Variants in MUC17 observed in about 807,000 individuals in gnomAD.
MUC17 encodes mucin 17, cell surface associated, also known as mucin-17.
A neutral mutation model predicts 170.3 loss-of-function variants in MUC17; 190 were observed. That is an observed-to-expected ratio of 1.12 (90% CI 0.99 to 1.26). The LOEUF is 1.26. Ranked by LOEUF, MUC17 falls within the 50% of genes most tolerant of loss-of-function variation. The probability of loss-of-function intolerance (pLI) is 0.00; values close to 1 mark genes in which losing one functional copy is unlikely to be tolerated. For synonymous variants in MUC17, 2,325 were observed against 2,002.5 expected (o/e 1.16, Z -4.30); for missense variants, 6,415 against 5,530.0 (o/e 1.16, Z -5.08).
rs1562803571 is a variant in MUC17 at position 101,032,187 on chromosome 7, T to C, written c.771T>C (p.Pro257=). The change falls in exon 3 of 13, where the codon CCT becomes CCC. Residue 257 remains proline (P), a synonymous_variant. Transcript: ENST00000306151. ...TTTCTGCTCAAGCCAGTTCATCTCC[T>C]ACAACTGCTGAAGGTCCCAGCCTGT... is the stretch of plus-strand genomic sequence containing the variant. ...VTISAQASSS[P]TTAEGPSLSN... 1.9e-6 allele frequency: 3 copies of C among 1,614,196 alleles called. No homozygotes were observed. Among genetic ancestry groups the C allele is most frequent in the Non-Finnish European group, 2.5e-6 (3 of 1,180,028 alleles).
chr7:101,029,215 A>C (rs1794234039), intron 1 of MUC17, among the ~76,000 whole-genome samples: 1 of 150,448 alleles, frequency 6.6e-6, no homozygotes, highest in Admixed American at 6.6e-5. Flanking sequence ...AAATAGCTGG[A>C]CACGGTGGCA....
chr7:101,040,739 C>T lies in MUC17; in HGVS notation c.9323C>T (p.Thr3108Ile), dbSNP rs878956048. The change falls in exon 3 of 13, where the codon ACA becomes ATA. Residue 3108 changes from threonine to isoleucine, a missense_variant. By Grantham distance (89) the Thr-to-Ile change is moderately conservative. Coordinates refer to ENST00000306151, the MANE Select transcript of MUC17 (RefSeq NM_001040105.2). ...TATAGTGAAGGAAGCACTCCATTAA[C>T]AGGTGTGCCTGTCAGCACCACACCG... ...STYSEGSTPL[T>I]GVPVSTTPVT... The T allele has an allele frequency of 6.2e-7, 1 of 1,613,292 alleles. No homozygotes were observed. Among genetic ancestry groups the T allele is most frequent in the South Asian group, 1.1e-5 (1 of 91,048 alleles).
At position 101,058,389 on chromosome 7, in the gene MUC17, G is replaced by A. The variant is rs775846381; in HGVS notation, c.*345G>A. On this transcript the variant is annotated 3_prime_UTR_variant, in exon 13 of 13. Coordinates refer to ENST00000306151, the MANE Select transcript of MUC17 (RefSeq NM_001040105.2). Reference sequence around the variant, plus strand: ...TCTGGCTGAGCAGGCGGGTGTCCCCGTCCTCCCTCACTGCCCCATATGTGT... The same window carrying A: ...TCTGGCTGAGCAGGCGGGTGTCCCCATCCTCCCTCACTGCCCCATATGTGT... 6.7e-5 allele frequency: 13 copies of A among 193,334 alleles called. No individual in the cohort carries two copies. The highest frequency in any genetic ancestry group is 1.2e-4 in the Non-Finnish European group (11 of 94,000). The allele number at this position is 193,334 out of a possible 1,614,324, so 12.0% of individuals were successfully genotyped here.
rs1794488197 is a variant in MUC17, at chr7:101,036,615, T to A, written c.5199T>A (p.Thr1733=). Residue 1733 remains threonine (T), a synonymous_variant, in exon 3 of 13, where the codon ACT becomes ACA. Transcript: ENST00000306151. ...CTGAAGCCCGTTCATCTCCTACAAC[T>A]TCTGAAGGTACCAGCATGCCAAACT... ...TSTEARSSPT[T]SEGTSMPNST... 2 of 1,611,176 alleles carry A rather than the reference T, an allele frequency of 1.2e-6. No homozygotes were observed. The highest frequency in any genetic ancestry group is 2.7e-5 in the African/African-American group (2 of 74,144).
chr7:101,020,262 G>T, intron 1 of MUC17, 45 bp downstream of exon 1: 1 of 1,535,684 alleles, frequency 6.5e-7, no homozygotes, highest in East Asian at 2.3e-5. Context: ...CCCCATCCCA[G>T]GGGCCAGCCT....
At position 101,034,697 on chromosome 7, in the gene MUC17, C is replaced by T. The variant is rs773072041; in HGVS notation, c.3281C>T (p.Ser1094Leu). 23 of 1,606,900 alleles carry T rather than the reference C, an allele frequency of 1.4e-5. 1 individual carries two copies. The Admixed American group carries it at 3.5e-4, about 25-fold the overall frequency. The change falls in exon 3 of 13, where the codon TCA becomes TTA. Residue 1094 changes from serine (S) to leucine (L), a missense_variant. Coordinates refer to ENST00000306151, the MANE Select transcript of MUC17 (RefSeq NM_001040105.2). ...GCTGACGGTACCAGCATGCCAACCTCAACTTATAGTGAAGGAAGCACTCCA... is the reference window on the plus strand; with the variant it reads ...GCTGACGGTACCAGCATGCCAACCTTAACTTATAGTGAAGGAAGCACTCCA... ...TTADGTSMPT[S>L]TYSEGSTPLT...
intron 11 of MUC17, 164 bp downstream of exon 11, chr7:101,053,600 A>G: frequency 3.8e-6 from 2 of 529,146 alleles, no homozygotes; most frequent in Admixed American, 3.3e-5. Flanking sequence ...GCAAAACTCT[A>G]TCTCTTAAAA....
chr7:101,053,100 G>T lies in MUC17; in HGVS notation c.13218G>T (p.Leu4406=), dbSNP rs757461644. 11 of 1,614,078 alleles carry T rather than the reference G, an allele frequency of 6.8e-6. No homozygotes were observed. The highest frequency in any genetic ancestry group is 7.6e-6 in the Non-Finnish European group (9 of 1,180,012). ...GGGTCGTGCTGATGCTGATCATCCT[G>T]GTAGCTCTCCTGATGCTCGTTTTCC... The part of the protein sequence containing the change: ...GAGVVLMLII[L]VALLMLVFRS... Residue 4406 remains leucine, a synonymous_variant, in exon 10 of 13, where the codon CTG becomes CTT. Transcript: ENST00000306151.
At position 101,033,330 on chromosome 7, in the gene MUC17, C is replaced by T. The variant is rs1476477973; in HGVS notation, c.1914C>T (p.Thr638=). ...GTTITSMSVS[T]TLVASSEAST... is the part of the protein sequence containing the mutation. ...CAATAACAAGTATGTCTGTCAGCAC[C>T]ACACTGGTGGCCAGTTCTGAGGCTA... The change falls in exon 3 of 13, where the codon ACC becomes ACT. Residue 638 remains threonine (T), a synonymous_variant. Coordinates refer to ENST00000306151, the MANE Select transcript of MUC17 (RefSeq NM_001040105.2). 6 of 1,613,792 alleles carry T rather than the reference C, an allele frequency of 3.7e-6. No homozygotes were observed. The highest frequency in any genetic ancestry group is 5.1e-6 in the Non-Finnish European group (6 of 1,179,736).
In MUC17 at chr7:101,050,537, C is replaced by T. The variant is rs1045367917; in HGVS notation, c.12776C>T (p.Pro4259Leu). 1.9e-6 allele frequency: 3 copies of T among 1,613,960 alleles called. No homozygotes were observed. Among genetic ancestry groups the T allele is most frequent in the Non-Finnish European group, 2.5e-6 (3 of 1,179,994 alleles). The change falls in exon 7 of 13, where the codon CCA becomes CTA. Residue 4259 changes from proline to leucine, a missense_variant. Coordinates refer to ENST00000306151, the MANE Select transcript of MUC17 (RefSeq NM_001040105.2). ...GTCCTCCTAAGAACCAAGTACACAC[C>T]AGAATACAAGACAGTATTGGACAAT... is the stretch of plus-strand genomic sequence containing the variant. ...HDVLLRTKYTPEYKTVLDNAT... is the reference protein window; with the variant it reads ...HDVLLRTKYTLEYKTVLDNAT...
Position 101,039,549 on chromosome 7 carries a change from C to A in MUC17, c.8133C>A (p.Thr2711=). 1 of 1,611,168 alleles carries A rather than the reference C, an allele frequency of 6.2e-7. No individual in the cohort carries two copies. The highest frequency in any genetic ancestry group is 8.5e-7 in the Non-Finnish European group (1 of 1,178,670). ...TTLLANSEAS[T]LSTTPVDTST... ...TGTTGGCCAATTCTGAGGCTAGCAC[C>A]CTTTCAACAACTCCTGTTGACACCA... Residue 2711 remains threonine (T), a synonymous_variant, in exon 3 of 13, where the codon ACC becomes ACA. Transcript: ENST00000306151.
Position 101,041,911 on chromosome 7 carries a change from C to G in MUC17, c.10495C>G (p.Pro3499Ala). ...CACTTCTTCTCCAACCAATTCATCT[C>G]CTACAACTGCTGAAGTTACCAGCAT... ...VTTSSPTNSSPTTAEVTSMPT... is the reference protein window; with the variant it reads ...VTTSSPTNSSATTAEVTSMPT... The change falls in exon 3 of 13, where the codon CCT (proline) becomes GCT (alanine). Residue 3499 changes from proline (P) to alanine (A), a missense_variant. Physicochemically the swap from Pro to Ala is conservative, Grantham distance 27 (BLOSUM62 -1). Transcript: ENST00000306151. The G allele has an allele frequency of 1.2e-6, 2 of 1,613,546 alleles. No individual in the cohort carries two copies. The highest frequency in any genetic ancestry group is 8.5e-7 in the Non-Finnish European group (1 of 1,179,982).
At chr7:101,051,571 G>A (rs867315208) in intron 7 of MUC17, 42 bp from the exon 8 acceptor site, 1 of 1,601,354 alleles carries the variant, frequency 6.2e-7, no homozygotes, top group Non-Finnish European at 8.5e-7. Context: ...CGCAGAACAA[G>A]CGTGTATGTG....
chr7:101,036,674 G>T lies in MUC17; in HGVS notation c.5258G>T (p.Ser1753Ile). ...AGTGAAGGAACCACTCCATTAACAA[G>T]TATACCTGTCAGCACCACGCCGGTA... Reference protein sequence around the residue: ...TPSEGTTPLTSIPVSTTPVLS... With the variant: ...TPSEGTTPLTIIPVSTTPVLS... The change falls in exon 3 of 13, where the codon AGT becomes ATT. Residue 1753 changes from serine to isoleucine, a missense_variant. Physicochemically the swap from Ser to Ile is moderately radical, Grantham distance 142. Coordinates refer to ENST00000306151, the MANE Select transcript of MUC17 (RefSeq NM_001040105.2). The T allele has an allele frequency of 1.2e-6, 2 of 1,613,204 alleles. No homozygotes were observed. The highest frequency in any genetic ancestry group is 1.1e-5 in the South Asian group (1 of 91,044).
rs1258031326 is a variant in MUC17 at position 101,041,992 on chromosome 7, A to AC, written c.10578dup (p.Thr3527HisfsTer7). On this transcript the variant is annotated frameshift_variant, in exon 3 of 13. Coordinates refer to ENST00000306151, the MANE Select transcript of MUC17 (RefSeq NM_001040105.2). LOFTEE classifies it high-confidence loss of function. Reference sequence around the variant, plus strand: ...TCCATTAACAAATATGCCTGTCAGCACCACACCGGTGGCCAGTTCTGAGGC... The same window carrying AC: ...TCCATTAACAAATATGCCTGTCAGCACCCACACCGGTGGCCAGTTCTGAGGC... The AC allele has an allele frequency of 6.2e-7, 1 of 1,613,740 alleles. No homozygotes were observed. The highest frequency in any genetic ancestry group is 1.7e-5 in the Admixed American group (1 of 59,992).
intron 1 of MUC17, among the ~76,000 whole-genome samples, chr7:101,022,259 C>A (rs375140724): frequency 9.2e-5 from 14 of 151,772 alleles, no homozygotes; most frequent in African/African-American, 3.4e-4. Context: ...CTCCACCTCC[C>A]AGGTTCAAGC....
chr7:101,043,610 C>G lies in MUC17; in HGVS notation c.12194C>G (p.Thr4065Arg). Residue 4065 changes from threonine (T) to arginine (R), a missense_variant, in exon 3 of 13, where the codon ACA becomes AGA. By Grantham distance (71) the Thr-to-Arg change is moderately conservative. Coordinates refer to ENST00000306151, the MANE Select transcript of MUC17 (RefSeq NM_001040105.2). ...ATTACTTCTCACACCATCCCACCTA[C>G]ATTTCCTCCTGCTCACTCCAGTACA... ...STITSHTIPP[T>R]FPPAHSSTPP... The G allele has an allele frequency of 6.2e-7, 1 of 1,614,184 alleles. No homozygotes were observed. Among genetic ancestry groups the G allele is most frequent in the Non-Finnish European group, 8.5e-7 (1 of 1,180,032 alleles).
chr7:101,021,506 T>C (rs1174420341), intron 1 of MUC17, among the ~76,000 whole-genome samples: 2 of 152,046 alleles, frequency 1.3e-5, no homozygotes, highest in Non-Finnish European at 2.9e-5. Context: ...TCTTTCTCTC[T>C]GCTCCTCCCT....
chr7:101,023,451 A>G (rs868175839), intron 1 of MUC17, among the ~76,000 whole-genome samples: 14 of 152,152 alleles, frequency 9.2e-5, no homozygotes, highest in African/African-American at 3.1e-4. Flanking sequence ...CAGTGACACT[A>G]TCTCAGCTCA....
Sources: allele counts gnomAD v4.1 joint callset (sites outside exome capture counted in the v4.1 genomes callset), GRCh38; gene constraint gnomAD v4.1.1; transcripts MANE v1.5; gene names NCBI Gene and HGNC (gene_info 2026-07-23, HGNC 2026-07-21).